Variants in NCAM2 observed in about 807,000 individuals in gnomAD.
NCAM2 encodes the protein N-CAM-2.
In NCAM2, 30 loss-of-function variants were observed where a neutral mutation model predicts 98.1. That is an observed-to-expected ratio of 0.31 (90% CI 0.23 to 0.41). NCAM2 has a LOEUF of 0.41. NCAM2 is among the 10% of genes least tolerant of loss of function. The probability of loss-of-function intolerance (pLI) is 1.00; values close to 1 mark genes in which losing one functional copy is unlikely to be tolerated. For missense variants in NCAM2, 867 were observed against 1,005.8 expected (o/e 0.86, Z 1.87); for synonymous variants, 368 against 342.4 (o/e 1.07, Z -0.83).
chr21:21,021,577 T>C (rs901347953), intron 1 of NCAM2, among the ~76,000 whole-genome samples: 7 of 152,186 alleles, frequency 4.6e-5, no homozygotes, highest in Non-Finnish European at 8.8e-5. Context: ...ACTAGAAGGA[T>C]TGATTTGATT....
At chr21:21,040,297 A>G (rs1196850931) in intron 1 of NCAM2, among the ~76,000 whole-genome samples, 4 of 152,200 alleles carry the variant, frequency 2.6e-5, no homozygotes, top group Admixed American at 2.0e-4. Context: ...TCTTACCATT[A>G]CGCAACTGAC....
chr21:21,095,001 A>C (rs149625827), intron 1 of NCAM2, among the ~76,000 whole-genome samples: 1 of 151,732 alleles, frequency 6.6e-6, no homozygotes, highest in Non-Finnish European at 1.5e-5. Flanking sequence ...AGCTTTCTCT[A>C]TATATAGATT....
At position 21,494,768 on chromosome 21, in the gene NCAM2, G is replaced by T. The variant is rs888210692; in HGVS notation, c.2078-14083G>T. On this transcript the variant is annotated intron_variant, in intron 15 of 17. Coordinates refer to ENST00000400546, the MANE Select transcript of NCAM2 (RefSeq NM_004540.5). ...GATATTTTGTTGTGCAAAGACTTCA[G>T]ATATTTTATGATTTTTCATGGTTTA... 2.0e-5 allele frequency among the ~76,000 whole-genome samples: 3 copies of T among 151,750 alleles called. No homozygotes were observed. In the East Asian group the frequency reaches 5.8e-4, roughly 29 times the overall value.
At chr21:21,015,773 G>A (rs1183108276) in intron 1 of NCAM2, among the ~76,000 whole-genome samples, 1 of 152,040 alleles carries the variant, frequency 6.6e-6, no homozygotes, top group Non-Finnish European at 1.5e-5. Context: ...GCACGATCTC[G>A]GCTCACTGCA....
At chr21:21,361,054 C>G (rs1349106580) in intron 8 of NCAM2, among the ~76,000 whole-genome samples, 2 of 151,974 alleles carry the variant, frequency 1.3e-5, no homozygotes, top group Non-Finnish European at 2.9e-5. Context: ...ACTACTACAC[C>G]TGCAAACATA....
At chr21:21,350,906 T>G (rs1263028005) in intron 8 of NCAM2, among the ~76,000 whole-genome samples, 10 of 133,654 alleles carry the variant, frequency 7.5e-5, no homozygotes, top group African/African-American at 2.3e-4. Flanking sequence ...GCTAACAGGG[T>G]GAAACCCCGT....
At chr21:21,506,157 TAGC>T (rs1404872863) in intron 15 of NCAM2, among the ~76,000 whole-genome samples, 1 of 152,136 alleles carries the variant, frequency 6.6e-6, no homozygotes, top group African/African-American at 2.4e-5. Context: ...CTAAACGAAG[TAGC>T]AGAAGAGTGA....
intron 5 of NCAM2, among the ~76,000 whole-genome samples, chr21:21,321,280 T>A (rs1056229531): frequency 6.6e-6 from 1 of 152,200 alleles, no homozygotes; most frequent in African/African-American, 2.4e-5. Context: ...TCTTGTTGAC[T>A]TGTTTAAGTT....
intron 1 of NCAM2, among the ~76,000 whole-genome samples, chr21:21,010,318 T>G (rs1439011590): frequency 6.6e-6 from 1 of 152,080 alleles, no homozygotes; most frequent in African/African-American, 2.4e-5. Context: ...CAATGGCTTA[T>G]GAAGGCCTAT....
chr21:21,383,092 T>G (rs2076194166), intron 9 of NCAM2, among the ~76,000 whole-genome samples: 1 of 152,198 alleles, frequency 6.6e-6, no homozygotes, highest in South Asian at 2.1e-4. Context: ...TTCACCTCAC[T>G]GTACTGGTTG....
intron 5 of NCAM2, among the ~76,000 whole-genome samples, chr21:21,303,271 C>T (rs2826782): frequency 0.42 from 63,626 of 150,718 alleles, 14,603 homozygotes; most frequent in Non-Finnish European, 0.53. Flanking sequence ...GAAATGAAAA[C>T]ATAGTAAACT....
intron 1 of NCAM2, among the ~76,000 whole-genome samples, chr21:21,248,304 A>C (rs2071353382): frequency 6.6e-6 from 1 of 152,050 alleles, no homozygotes; most frequent in Non-Finnish European, 1.5e-5. Flanking sequence ...TTTTCTTTCT[A>C]TTTATTTGAT....
intron 15 of NCAM2, among the ~76,000 whole-genome samples, chr21:21,490,893 C>T (rs1416080263): frequency 6.6e-6 from 1 of 151,656 alleles, no homozygotes; most frequent in Non-Finnish European, 1.5e-5. Flanking sequence ...TAATCCTATG[C>T]GTGTGTTTCA....
intron 11 of NCAM2, among the ~76,000 whole-genome samples, chr21:21,424,697 T>G (rs232386): frequency 0.096 from 14,636 of 151,970 alleles, 858 homozygotes; most frequent in African/African-American, 0.16. Flanking sequence ...GGTAATGTGC[T>G]TAGAGAGGTA....
intron 1 of NCAM2, among the ~76,000 whole-genome samples, chr21:21,077,038 G>T (rs1456665702): frequency 6.6e-6 from 1 of 152,148 alleles, no homozygotes; most frequent in East Asian, 1.9e-4. Context: ...GGTCAGAAAA[G>T]TGAGGTTTTG....
chr21:21,506,705 AC>A (rs2146348396), intron 15 of NCAM2, among the ~76,000 whole-genome samples: 2 of 152,252 alleles, frequency 1.3e-5, no homozygotes, highest in South Asian at 2.1e-4. Flanking sequence ...TTCTGTCGAA[AC>A]CAGAAAATTC....
At chr21:21,058,197 A>C (rs2065252305) in intron 1 of NCAM2, among the ~76,000 whole-genome samples, 1 of 55,634 alleles carries the variant, frequency 1.8e-5, no homozygotes, top group African/African-American at 4.5e-5. Flanking sequence ...CACACTTAAA[A>C]CCAAAGGGCA....
chr21:21,471,917 T>C (rs910594458), intron 14 of NCAM2, among the ~76,000 whole-genome samples: 6 of 152,188 alleles, frequency 3.9e-5, no homozygotes, highest in African/African-American at 1.4e-4. Flanking sequence ...TTCTGTGGAC[T>C]CTTCATGAAA....
At chr21:21,272,727 C>G (rs2072565195) in intron 1 of NCAM2, among the ~76,000 whole-genome samples, 1 of 152,036 alleles carries the variant, frequency 6.6e-6, no homozygotes, top group South Asian at 2.1e-4. Flanking sequence ...TAATCTTATA[C>G]ATTTCTCAGT....
Sources: gnomAD v4.1 joint callset for allele counts (sites outside exome capture counted in the v4.1 genomes callset) on GRCh38, gnomAD v4.1.1 for gene constraint, MANE v1.5 for transcripts, NCBI Gene and HGNC (gene_info 2026-07-23, HGNC 2026-07-21) for gene names.